Variants in LMNB2 observed in about 807,000 individuals in gnomAD.
LMNB2 encodes the protein lamin B2.
LMNB2 carries 17 observed loss-of-function variants against 69.3 expected under a neutral mutation model. That is an observed-to-expected ratio of 0.25 (90% CI 0.17 to 0.37). The LOEUF (loss-of-function observed/expected upper bound fraction) is 0.37. Among genes scored for constraint, LMNB2 ranks in the 10% least tolerant of loss-of-function variants. The probability of loss-of-function intolerance (pLI) is 1.00; values close to 1 mark genes in which losing one functional copy is unlikely to be tolerated. For missense variants in LMNB2, 789 were observed against 883.6 expected (o/e 0.89, Z 1.36); for synonymous variants, 397 against 389.3 (o/e 1.02, Z -0.23).
chr19:2,451,870 G>A (rs1038446980), intron 1 of LMNB2, among the ~76,000 whole-genome samples: 8 of 152,084 alleles, frequency 5.3e-5, no homozygotes, highest in Admixed American at 3.3e-4. Flanking sequence ...CATCCTCCAC[G>A]CTCGCCTGGG....
In LMNB2 at chr19:2,444,390, C is replaced by T. The variant is rs1568206393; in HGVS notation, c.401+14G>A. ...AGGATCAGGGTGACGTCGTGCCCAG[C>T]CGTGACCACTCACCTCTTGTTGACC... On this transcript the variant is annotated intron_variant, in intron 2 of 11. Transcript: ENST00000325327. The T allele has an allele frequency of 6.2e-7, 1 of 1,613,534 alleles. No homozygotes were observed.
chr19:2,429,552 C>T lies in LMNB2; in HGVS notation c.*1359G>A, dbSNP rs934522681. ...GGTCCCCAGGGAGGCGGGATGCAGT[C>T]ACAGGGGAGCGGTGCCGCCCCCGCC... On this transcript the variant is annotated 3_prime_UTR_variant, in exon 12 of 12. Coordinates refer to ENST00000325327, the MANE Select transcript of LMNB2 (RefSeq NM_032737.4). 1 of 152,276 alleles carries T rather than the reference C, an allele frequency of 6.6e-6. No homozygotes were observed. The highest frequency in any genetic ancestry group is 2.4e-5 in the African/African-American group (1 of 41,458). The allele number at this position is 152,276 out of a possible 1,614,324, so 9.4% of individuals were successfully genotyped here. A position where few individuals can be genotyped will look rare whatever the true frequency, so the allele number is the denominator to read the frequency against.
chr19:2,430,394 G>A lies in LMNB2; in HGVS notation c.*517C>T, dbSNP rs1447787297. On this transcript the variant is annotated 3_prime_UTR_variant, in exon 12 of 12. Coordinates refer to ENST00000325327, the MANE Select transcript of LMNB2 (RefSeq NM_032737.4). ...GCCATCCCCATGCTGGCCCACACCC[G>A]CTGCGTGGCTGCCTGAGGAGTTCCC... 5.1e-5 allele frequency: 10 copies of A among 195,106 alleles called. No individual in the cohort carries two copies. In the East Asian group the frequency reaches 6.4e-4, roughly 13 times the overall value. 12.1% of individuals were successfully genotyped at this position (195,106 alleles called of 1,614,324 possible).
chr19:2,430,234 T>C lies in LMNB2; in HGVS notation c.*677A>G, dbSNP rs743578. The C allele has an allele frequency of 0.36, 59,053 of 162,390 alleles. 11,632 individuals are homozygous for C. The highest frequency in any genetic ancestry group is 0.53 in the African/African-American group (22,119 of 41,548). The allele number at this position is 162,390 out of a possible 1,614,324, so 10.1% of individuals were successfully genotyped here. A position where few individuals can be genotyped will look rare whatever the true frequency, so the allele number is the denominator to read the frequency against. Reference sequence around the variant, plus strand: ...CTTCCCCTCCCCTGCCCTGTTGGCCTTGCACAGTCAGGAACTGAACTGCGG... The same window carrying C: ...CTTCCCCTCCCCTGCCCTGTTGGCCCTGCACAGTCAGGAACTGAACTGCGG... On this transcript the variant is annotated 3_prime_UTR_variant, in exon 12 of 12. Coordinates refer to ENST00000325327, the MANE Select transcript of LMNB2 (RefSeq NM_032737.4).
intron 2 of LMNB2, 145 bp downstream of exon 2, chr19:2,444,259 T>C: frequency 2.1e-6 from 2 of 943,996 alleles, no homozygotes; most frequent in Non-Finnish European, 3.3e-6. Context: ...TGGCAGCCAC[T>C]GGTGGGGGAG....
chr19:2,432,762 C>T (rs1164583542), intron 8 of LMNB2, among the ~76,000 whole-genome samples: 2 of 150,164 alleles, frequency 1.3e-5, no homozygotes, highest in African/African-American at 2.5e-5. Context: ...CCCTGTGCCC[C>T]GGTCTTTCCA....
At position 2,453,823 on chromosome 19, in the gene LMNB2, T is replaced by C. The variant is rs530467724; in HGVS notation, c.264+2847A>G. On this transcript the variant is annotated intron_variant, in intron 1 of 11. Transcript: ENST00000325327. This position sits in a 1 kb window ranked among gnomAD's most constrained non-coding sequence, Gnocchi z 4.4. The stretch of plus-strand genomic sequence containing the variant: ...CTGCACCCTCAAAGCTCCCTGCAGC[T>C]GTTCGTCCCATTGGCAGGTGGGATA... 1.4e-3 allele frequency among the ~76,000 whole-genome samples: 215 copies of C among 152,294 alleles called. 1 individual carries two copies. The highest frequency in any genetic ancestry group is 5.1e-3 in the African/African-American group (212 of 41,558).
At chr19:2,434,759 A>C (rs1452224290) in intron 6 of LMNB2, 29 bp downstream of exon 6, 7 of 1,586,622 alleles carry the variant, frequency 4.4e-6, no homozygotes, top group Non-Finnish European at 4.3e-6. Context: ...GGCCAGGGGG[A>C]CGGCAGACGG....
chr19:2,451,144 GGC>G (rs1297296528), intron 1 of LMNB2, among the ~76,000 whole-genome samples: 1 of 152,144 alleles, frequency 6.6e-6, no homozygotes, highest in African/African-American at 2.4e-5. Context: ...GGGAGGCTGA[GGC>G]ACAAGAATCG....
rs1971972097 is a variant in LMNB2, at chr19:2,447,682, G to GGT, written c.265-3144_265-3143dup. Among the ~76,000 whole-genome samples the GGT allele has an allele frequency of 6.6e-6, 1 of 152,184 alleles. No individual in the cohort carries two copies. Among genetic ancestry groups the GGT allele is most frequent in the Admixed American group, 6.5e-5 (1 of 15,284 alleles). On this transcript the variant is annotated intron_variant, in intron 1 of 11. Coordinates refer to ENST00000325327, the MANE Select transcript of LMNB2 (RefSeq NM_032737.4). The surrounding 1 kb of genome is among the most constrained non-coding windows in gnomAD (Gnocchi z 4.4). ...GTTCCCACAGCCCTACAGGGCCAAG[G>GGT]GTGTCTATGCAAGGTGGGTACAGGG...
In LMNB2 at chr19:2,434,079, G is replaced by A. The variant is rs910416741; in HGVS notation, c.1229C>T (p.Ser410Leu). 1.0e-5 allele frequency: 16 copies of A among 1,593,568 alleles called. No homozygotes were observed. The highest frequency in any genetic ancestry group is 2.7e-5 in the African/African-American group (2 of 74,614). ...GGTGGCTCGTGAGACGGTGACGCGC[G>A]AGGATGGGCTGGGGGACAGCTTCAG... ...ERLKLSPSPSSRVTVSRATSS... is the reference protein window; with the variant it reads ...ERLKLSPSPSLRVTVSRATSS... Residue 410 changes from serine to leucine, a missense_variant, in exon 8 of 12, where the codon TCG becomes TTG. Transcript: ENST00000325327.
intron 1 of LMNB2, among the ~76,000 whole-genome samples, chr19:2,448,100 C>T (rs995145470): frequency 3.3e-5 from 5 of 152,334 alleles, no homozygotes; most frequent in African/African-American, 1.2e-4. Flanking sequence ...GGCACCCCGG[C>T]CACCCCCAAG....
At chr19:2,435,580 G>A (rs1319855109) in intron 4 of LMNB2, among the ~76,000 whole-genome samples, 1 of 152,172 alleles carries the variant, frequency 6.6e-6, no homozygotes, top group Non-Finnish European at 1.5e-5. Flanking sequence ...TTCTTTTTGG[G>A]TGATGGAATG....
At chr19:2,431,459 T>C in intron 11 of LMNB2, 89 bp downstream of exon 11, 1 of 1,567,560 alleles carries the variant, frequency 6.4e-7, no homozygotes, top group Non-Finnish European at 8.8e-7. Flanking sequence ...CCGTCGGGGA[T>C]GCGGCCAGCA....
At position 2,432,416 on chromosome 19, in the gene LMNB2, C is replaced by A; in HGVS notation, c.1590G>T (p.Thr530=). ...CTCGCCCTCCTGCCCCACCACCTAC[C>A]GTGACCATCTGGCCGGCGCGCAGGA... The part of the protein sequence containing the change: ...KYILRAGQMV[T]VWAAGAGVAH... Residue 530 remains threonine, a splice_region_variant and synonymous_variant, in exon 9 of 12, where the codon ACG becomes ACT. Coordinates refer to ENST00000325327, the MANE Select transcript of LMNB2 (RefSeq NM_032737.4). 1.2e-6 allele frequency: 2 copies of A among 1,611,962 alleles called. No individual in the cohort carries two copies. Among genetic ancestry groups the A allele is most frequent in the Non-Finnish European group, 1.7e-6 (2 of 1,179,708 alleles).
At chr19:2,438,584 A>C in intron 2 of LMNB2, 53 bp from the exon 3 acceptor site, 1 of 1,589,376 alleles carries the variant, frequency 6.3e-7, no homozygotes, top group South Asian at 1.1e-5. Context: ...ATGGGGCCAC[A>C]GGGAGCACCT....
chr19:2,444,418 G>A lies in LMNB2; in HGVS notation c.387C>T (p.Asp129=), dbSNP rs368379275. 29 of 1,613,642 alleles carry A rather than the reference G, an allele frequency of 1.8e-5. No homozygotes were observed. The Admixed American group carries it at 3.0e-4, about 17-fold the overall frequency. The change falls in exon 2 of 12, where the codon GAC becomes GAT. Residue 129 remains aspartate (D), a synonymous_variant. Transcript: ENST00000325327. Reference sequence around the variant, plus strand: ...TGACCACTCACCTCTTGTTGACCTCGTCCAACTCTGCCCTCAGCTTCCCAA... The same window carrying A: ...TGACCACTCACCTCTTGTTGACCTCATCCAACTCTGCCCTCAGCTTCCCAA... ...IEIGKLRAEL[D]EVNKSAKKRE...
At chr19:2,438,765 C>A (rs1040372824) in intron 2 of LMNB2, among the ~76,000 whole-genome samples, 1 of 152,230 alleles carries the variant, frequency 6.6e-6, no homozygotes, top group African/African-American at 2.4e-5. Context: ...GCGCTTGGGA[C>A]CACCCTGGAG....
intron 11 of LMNB2, 141 bp downstream of exon 11, chr19:2,431,407 A>G (rs1307298676): frequency 9.3e-7 from 1 of 1,078,300 alleles, no homozygotes; most frequent in Non-Finnish European, 1.4e-6. Context: ...GGTAACAGCC[A>G]AGGCTGGCTT....
Sources: gnomAD v4.1 joint callset for allele counts (sites outside exome capture counted in the v4.1 genomes callset) on GRCh38, gnomAD v4.1.1 for gene constraint, Gnocchi (gnomAD v3.1) non-coding constraint, MANE v1.5 for transcripts, NCBI Gene and HGNC (gene_info 2026-07-23, HGNC 2026-07-21) for gene names.